CMTM4: variants seen among roughly 807,000 people sequenced by gnomAD.
CMTM4 encodes the protein CKLF like MARVEL transmembrane domain containing 4, also known as CKLF-like MARVEL transmembrane domain-containing protein 4.
A neutral mutation model predicts 19.0 loss-of-function variants in CMTM4; 8 were observed. That is an observed-to-expected ratio of 0.42 (90% confidence interval 0.25 to 0.76). CMTM4 has a LOEUF of 0.76. CMTM4 is among the 30% of genes least tolerant of loss of function. CMTM4 has a pLI of 0.27. For synonymous variants in CMTM4, 106 were observed against 121.1 expected (o/e 0.88, Z 0.82); for missense variants, 228 against 290.2 (o/e 0.79, Z 1.56).
At chr16:66,674,459 C>T (rs1246409175) in intron 1 of CMTM4, among the ~76,000 whole-genome samples, 10 of 152,192 alleles carry the variant, frequency 6.6e-5, no homozygotes, top group Admixed American at 6.5e-4. Flanking sequence ...GGGACAACTA[C>T]AGCGGAAATT....
the CMTM4 span, chr16:66,609,306 G>A: frequency 1.9e-5 from 14 of 742,008 alleles, no homozygotes; most frequent in African/African-American, 2.1e-4. This position sits in a 1 kb window ranked among gnomAD's most constrained non-coding sequence, Gnocchi z 4.4. Context: ...GCATGTGGGT[G>A]GGGCCAGGAT....
chr16:66,675,196 T>A (rs1316086479), intron 1 of CMTM4, among the ~76,000 whole-genome samples: 1 of 151,748 alleles, frequency 6.6e-6, no homozygotes, highest in Non-Finnish European at 1.5e-5. Flanking sequence ...TTCTCCTGCC[T>A]CAGCCTCCCA....
In CMTM4 at chr16:66,658,287, G is replaced by A. The variant is rs61466991; in HGVS notation, c.187-21706C>T. ...AGGGAGGCAGGCAGGGAGGGAGGGA[G>A]GGGAGGAAACCATTATTTTGAAATG... On this transcript the variant is annotated intron_variant, in intron 1 of 3. Coordinates refer to ENST00000394106, the MANE Select transcript of CMTM4 (RefSeq NM_181521.3). Among the ~76,000 whole-genome samples the A allele has an allele frequency of 4.6e-3, 689 of 150,770 alleles. 5 individuals carry two copies. The highest frequency in any genetic ancestry group is 0.015 in the African/African-American group (626 of 41,050).
At chr16:66,683,194 C>CACATAT (rs1555502531) in intron 1 of CMTM4, among the ~76,000 whole-genome samples, 2 of 107,676 alleles carry the variant, frequency 1.9e-5, no homozygotes, top group South Asian at 3.0e-4. Flanking sequence ...TATATATATA[C>CACATAT]ATATATATAT....
chr16:66,636,678 A>C, intron 1 of CMTM4, 97 bp from the exon 2 acceptor site: 1 of 958,162 alleles, frequency 1.0e-6, no homozygotes, highest in Non-Finnish European at 1.6e-6. Flanking sequence ...GAACAACAAC[A>C]TACTGCCACT....
In CMTM4 at chr16:66,617,726, G is replaced by T; in HGVS notation, c.*4332C>A. The T allele has an allele frequency of 9.6e-7, 1 of 1,038,026 alleles. No individual in the cohort carries two copies. Among genetic ancestry groups the T allele is most frequent in the South Asian group, 3.3e-5 (1 of 29,932 alleles). 64.3% of individuals were successfully genotyped at this position (1,038,026 alleles called of 1,614,324 possible). ...GCCAGGGAAGTTTACAAAGCTAAAA[G>T]CTGAGGGTGTCAGGCCTGCGTCCTG... is the stretch of plus-strand genomic sequence containing the variant. On this transcript the variant is annotated 3_prime_UTR_variant, in exon 4 of 4. Transcript: ENST00000394106.
chr16:66,668,771 T>G (rs190099682), intron 1 of CMTM4, among the ~76,000 whole-genome samples: 25 of 152,282 alleles, frequency 1.6e-4, no homozygotes, highest in Admixed American at 1.3e-3. Context: ...ATATTATTCC[T>G]AATAAAATTA....
At chr16:66,648,158 T>C (rs1409769911) in intron 1 of CMTM4, among the ~76,000 whole-genome samples, 1 of 152,204 alleles carries the variant, frequency 6.6e-6, no homozygotes, top group Non-Finnish European at 1.5e-5. Flanking sequence ...GAAGACTTTG[T>C]TGCCAGTATG....
intron 1 of CMTM4, among the ~76,000 whole-genome samples, chr16:66,664,209 G>C (rs145305108): frequency 6.6e-6 from 1 of 151,660 alleles, no homozygotes; most frequent in East Asian, 1.9e-4. Flanking sequence ...CTTCCAGCCT[G>C]GGTGACAGAG....
chr16:66,646,106 G>A (rs2016191201), intron 1 of CMTM4, among the ~76,000 whole-genome samples: 1 of 152,116 alleles, frequency 6.6e-6, no homozygotes, highest in Non-Finnish European at 1.5e-5. Flanking sequence ...AAGGGTCCAA[G>A]GGATACTTAG....
chr16:66,603,314 G>A, the CMTM4 span, among the ~76,000 whole-genome samples: 6 of 151,950 alleles, frequency 3.9e-5, no homozygotes, highest in Non-Finnish European at 8.8e-5. Context: ...TTGAGACAGA[G>A]TCTTGCTCTG....
chr16:66,623,185 C>A (rs979702745), intron 3 of CMTM4, among the ~76,000 whole-genome samples: 1 of 152,190 alleles, frequency 6.6e-6, no homozygotes, highest in African/African-American at 2.4e-5. Context: ...AGCTCTGGAG[C>A]GGAGCCTAAG....
intron 1 of CMTM4, among the ~76,000 whole-genome samples, chr16:66,672,431 A>C (rs2016726151): frequency 1.3e-5 from 2 of 151,120 alleles, no homozygotes; most frequent in African/African-American, 2.4e-5. Flanking sequence ...AAAAAAAAAA[A>C]AAACCTAATG....
the CMTM4 span, among the ~76,000 whole-genome samples, chr16:66,607,236 C>T: frequency 2.0e-5 from 3 of 152,204 alleles, no homozygotes; most frequent in Non-Finnish European, 4.4e-5. Context: ...CAGGACTGCC[C>T]AGGGCTCAAC....
chr16:66,677,199 T>C (rs1194436365), intron 1 of CMTM4, among the ~76,000 whole-genome samples: 1 of 152,136 alleles, frequency 6.6e-6, no homozygotes, highest in African/African-American at 2.4e-5. Flanking sequence ...ATTGTGTCAT[T>C]ATACTCTAGC....
intron 1 of CMTM4, among the ~76,000 whole-genome samples, chr16:66,686,472 C>T (rs1345827173): frequency 6.8e-6 from 1 of 147,680 alleles, no homozygotes; most frequent in African/African-American, 2.5e-5. Context: ...TTGCTTGAAC[C>T]CAGGAGGTGG....
At chr16:66,678,269 T>G (rs2016843653) in intron 1 of CMTM4, among the ~76,000 whole-genome samples, 1 of 152,056 alleles carries the variant, frequency 6.6e-6, no homozygotes, top group Admixed American at 6.6e-5. Context: ...AGAATGCTCC[T>G]CCAGCAACCC....
rs371767922 is a variant in CMTM4 at position 66,678,316 on chromosome 16, G to C, written c.186+18024C>G. 2.9e-4 allele frequency among the ~76,000 whole-genome samples: 44 copies of C among 152,296 alleles called. 1 individual carries two copies. The East Asian group carries it at 5.6e-3, about 19-fold the overall frequency. Reference sequence around the variant, plus strand: ...GCTCCCCTCTCAGGCTAGAGGAACAGAGGAAAGGGAGAGAAAGAAACAAAT... The same window carrying C: ...GCTCCCCTCTCAGGCTAGAGGAACACAGGAAAGGGAGAGAAAGAAACAAAT... On this transcript the variant is annotated intron_variant, in intron 1 of 3. Transcript: ENST00000394106.
intron 1 of CMTM4, among the ~76,000 whole-genome samples, chr16:66,653,827 G>A (rs755581271): frequency 5.9e-5 from 9 of 152,122 alleles, no homozygotes; most frequent in East Asian, 1.9e-4. Context: ...TCTGCCTACC[G>A]GGTTCAAGCA....
Sources: allele counts gnomAD v4.1 joint callset (sites outside exome capture counted in the v4.1 genomes callset), GRCh38; gene constraint gnomAD v4.1.1; non-coding constraint Gnocchi (gnomAD v3.1); transcripts MANE v1.5; gene names NCBI Gene and HGNC (gene_info 2026-07-23, HGNC 2026-07-21).